Variants in CYFIP1 observed in about 807,000 individuals in gnomAD.
The protein encoded by CYFIP1 is cytoplasmic FMR1-interacting protein 1.
CYFIP1 carries 58 observed loss-of-function variants against 163.5 expected under a neutral mutation model. The observed-to-expected ratio is 0.35, with a 90% CI of 0.29 to 0.44. The LOEUF is 0.44. Among genes scored for constraint, CYFIP1 ranks in the 20% least tolerant of loss-of-function variants. The pLI is 1.00. For missense variants in CYFIP1, 1,338 were observed against 1,653.8 expected, an observed-to-expected ratio of 0.81 and a Z score of 3.31; for synonymous variants, 663 against 660.7, an observed-to-expected ratio of 1.00 and a Z score of -0.05.
chr15:22,957,763 C>G (rs1462556789), intron 1 of CYFIP1, among the ~76,000 whole-genome samples: 2 of 152,230 alleles, frequency 1.3e-5, no homozygotes, highest in Non-Finnish European at 2.9e-5. Flanking sequence ...TCTTCCTCTT[C>G]TATATGCAAA....
chr15:22,978,382 A>AAAAAAAAAG (rs2063352636), intron 1 of CYFIP1, among the ~76,000 whole-genome samples: 1 of 147,334 alleles, frequency 6.8e-6, no homozygotes, highest in Non-Finnish European at 1.5e-5. Context: ...AAAAAAAAAA[A>AAAAAAAAAG]GGAATACTAT....
Position 22,879,410 on chromosome 15 carries a change from C to T in CYFIP1, c.3042+503G>A, listed in dbSNP as rs187198393. Among the ~76,000 whole-genome samples, 248 of 152,288 alleles carry T rather than the reference C, an allele frequency of 1.6e-3. 2 individuals are homozygous for T. Among genetic ancestry groups the T allele is most frequent in the Non-Finnish European group, 2.3e-3 (154 of 68,022 alleles). On this transcript the variant is annotated intron_variant, in intron 26 of 30. Coordinates refer to ENST00000617928, the MANE Select transcript of CYFIP1 (RefSeq NM_014608.6). ...ACACGAGGCGTCCACTGTGCCACGT[C>T]CTAAGAGGGGGTGGGCTCCCGGGGG...
chr15:22,971,383 T>C (rs1199097105), intron 1 of CYFIP1, among the ~76,000 whole-genome samples: 3 of 151,182 alleles, frequency 2.0e-5, no homozygotes, highest in African/African-American at 7.3e-5. Context: ...TACTAAAAAA[T>C]AAAATAAGGC....
intron 30 of CYFIP1, 108 bp downstream of exon 30, chr15:22,872,717 C>G: frequency 8.8e-7 from 1 of 1,140,972 alleles, no homozygotes; most frequent in Middle Eastern, 2.4e-4. Context: ...GTTGGTGGCA[C>G]CTTACGTACT....
intron 1 of CYFIP1, among the ~76,000 whole-genome samples, chr15:22,969,102 GA>G (rs1312869957): frequency 6.6e-6 from 1 of 152,160 alleles, no homozygotes; most frequent in African/African-American, 2.4e-5. Flanking sequence ...GTTTCAAGAT[GA>G]AACCCACTGC....
intron 22 of CYFIP1, among the ~76,000 whole-genome samples, chr15:22,896,207 T>G (rs2060231097): frequency 6.6e-6 from 1 of 152,134 alleles, no homozygotes; most frequent in East Asian, 1.9e-4. Context: ...AAACTAAGTT[T>G]CAGCACCAAT....
At chr15:22,896,578 T>C (rs1353954756) in intron 22 of CYFIP1, among the ~76,000 whole-genome samples, 5 of 152,020 alleles carry the variant, frequency 3.3e-5, no homozygotes, top group African/African-American at 7.2e-5. Flanking sequence ...TCAAACTCAC[T>C]CAACTCCCGC....
chr15:22,972,762 C>T (rs1193995316), intron 1 of CYFIP1, among the ~76,000 whole-genome samples: 1 of 152,160 alleles, frequency 6.6e-6, no homozygotes, highest in Non-Finnish European at 1.5e-5. Context: ...CCTATAATCC[C>T]TGCGAAGCCC....
intron 8 of CYFIP1, among the ~76,000 whole-genome samples, chr15:22,938,649 TCA>T (rs2061792893): frequency 6.6e-6 from 1 of 151,814 alleles, no homozygotes; most frequent in Non-Finnish European, 1.5e-5. Flanking sequence ...AAGCTTGTAT[TCA>T]CAGAGCTTTG....
chr15:22,913,125 G>A (rs1595582141), intron 17 of CYFIP1, among the ~76,000 whole-genome samples: 1 of 152,148 alleles, frequency 6.6e-6, no homozygotes, highest in East Asian at 1.9e-4. Flanking sequence ...GAGCCTGGGA[G>A]GTTGAAGCTG....
chr15:22,910,172 T>C (rs1454443166), intron 20 of CYFIP1, among the ~76,000 whole-genome samples: 2 of 152,160 alleles, frequency 1.3e-5, no homozygotes, highest in Non-Finnish European at 2.9e-5. Context: ...TTTTCTTTTT[T>C]TTGAGACGGA....
intron 1 of CYFIP1, among the ~76,000 whole-genome samples, chr15:22,966,297 C>A (rs1326466567): frequency 6.6e-6 from 1 of 150,682 alleles, no homozygotes; most frequent in African/African-American, 2.4e-5. Flanking sequence ...CGCTCGAACC[C>A]GGGAGGCAGA....
chr15:22,926,252 C>T lies in CYFIP1; in HGVS notation c.1234-145G>A, dbSNP rs2061353960. The T allele has an allele frequency of 5.0e-6, 6 of 1,191,522 alleles. No homozygotes were observed. In the South Asian group the frequency reaches 7.4e-5, roughly 15 times the overall value. 73.8% of individuals were successfully genotyped at this position (1,191,522 alleles called of 1,614,324 possible). On this transcript the variant is annotated intron_variant, in intron 12 of 30. Transcript: ENST00000617928. ...AAGTCACACATGAGGGCGCACACAC[C>T]GTCCATCTCCACAGATGGGCAAAAG...
chr15:22,951,667 C>A, intron 1 of CYFIP1: 1 of 763,112 alleles, frequency 1.3e-6, no homozygotes, highest in Non-Finnish European at 1.9e-6. Flanking sequence ...CAGGTCGGAC[C>A]GAGCACCCTG....
chr15:22,976,181 G>T (rs367976564), intron 1 of CYFIP1, among the ~76,000 whole-genome samples: 2 of 149,836 alleles, frequency 1.3e-5, no homozygotes. Context: ...TTTTTGAGAC[G>T]GAGTCTCGCT....
intron 1 of CYFIP1, among the ~76,000 whole-genome samples, chr15:22,965,421 T>C (rs1369372436): frequency 1.3e-5 from 2 of 152,248 alleles, no homozygotes; most frequent in African/African-American, 2.4e-5. Context: ...ATGGTGTCAC[T>C]GTACCATTTC....
At chr15:22,907,891 T>C (rs2060638329) in intron 21 of CYFIP1, among the ~76,000 whole-genome samples, 1 of 152,222 alleles carries the variant, frequency 6.6e-6, no homozygotes, top group Non-Finnish European at 1.5e-5. Flanking sequence ...CGTTAAGGTC[T>C]TTCTGCCATC....
intron 23 of CYFIP1, among the ~76,000 whole-genome samples, chr15:22,885,320 G>A (rs773425754): frequency 9.2e-5 from 14 of 152,144 alleles, no homozygotes; most frequent in Non-Finnish European, 1.6e-4. Context: ...TAGTCTCTTG[G>A]CTAAAGTGTA....
At chr15:22,970,131 T>C (rs1006774587) in intron 1 of CYFIP1, among the ~76,000 whole-genome samples, 5 of 152,172 alleles carry the variant, frequency 3.3e-5, no homozygotes, top group Admixed American at 6.5e-5. Flanking sequence ...ATTAATTCCA[T>C]GTACAACAGC....
Sources: gnomAD v4.1 joint callset for allele counts (sites outside exome capture counted in the v4.1 genomes callset) on GRCh38, gnomAD v4.1.1 for gene constraint, MANE v1.5 for transcripts, NCBI Gene and HGNC (gene_info 2026-07-23, HGNC 2026-07-21) for gene names.